Variants in EML6 observed in about 807,000 individuals in gnomAD.
EML6 encodes EMAP like 6, also known as echinoderm microtubule-associated protein-like 6.
In EML6, 154 loss-of-function variants were observed where a neutral mutation model predicts 240.1. That is an observed-to-expected ratio of 0.64 (90% CI 0.56 to 0.73). EML6 has a LOEUF of 0.73. EML6 is among the 30% of genes least tolerant of loss of function. EML6 has a pLI of 0.00. For synonymous variants in EML6, 1,148 were observed against 899.0 expected, an observed-to-expected ratio of 1.28 and a Z score of -4.95; for missense variants, 2,964 against 2,474.6, an observed-to-expected ratio of 1.20 and a Z score of -4.20.
chr2:54,923,618 A>T (rs1674382787), intron 26 of EML6, among the ~76,000 whole-genome samples: 1 of 152,088 alleles, frequency 6.6e-6, no homozygotes, highest in Non-Finnish European at 1.5e-5. Flanking sequence ...AGAGTTCAAG[A>T]TTTGCTTATG....
At chr2:54,749,888 A>C (rs749203227) in intron 2 of EML6, among the ~76,000 whole-genome samples, 4 of 152,236 alleles carry the variant, frequency 2.6e-5, no homozygotes, top group Non-Finnish European at 5.9e-5. Flanking sequence ...AAAAATAATG[A>C]CATGAATTTA....
At chr2:54,926,825 C>G (rs996194087) in intron 26 of EML6, among the ~76,000 whole-genome samples, 3 of 152,170 alleles carry the variant, frequency 2.0e-5, no homozygotes, top group Non-Finnish European at 2.9e-5. Context: ...CAACCTGAAT[C>G]TCATCCCTTA....
At position 54,923,367 on chromosome 2, in the gene EML6, G is replaced by GCGCACA. The variant is rs1200496290; in HGVS notation, c.3676-4945_3676-4944insGCACAC. Among the ~76,000 whole-genome samples, 214 of 144,460 alleles carry GCGCACA rather than the reference G, an allele frequency of 1.5e-3. 2 individuals carry two copies. The highest frequency in any genetic ancestry group is 3.8e-3 in the African/African-American group (149 of 39,014). The allele number at this position is 144,460 out of a possible 152,430, so 94.8% of individuals were successfully genotyped here. On this transcript the variant is annotated intron_variant, in intron 26 of 41. Coordinates refer to ENST00000356458, the MANE Select transcript of EML6 (RefSeq NM_001039753.4). Reference sequence around the variant, plus strand: ...TAGATCCTAAGTGTCCTCACCAAACGCACACACACACACACACACACACAC... The same window carrying GCGCACA: ...TAGATCCTAAGTGTCCTCACCAAACGCGCACACACACACACACACACACACACACAC...
At chr2:54,829,770 T>C (rs183808455) in intron 7 of EML6, among the ~76,000 whole-genome samples, 1 of 152,330 alleles carries the variant, frequency 6.6e-6, no homozygotes, top group East Asian at 1.9e-4. Context: ...ACAAGTTGGT[T>C]ACCATTAAAG....
In EML6 at chr2:54,933,644, A is replaced by T. The variant is rs545214825; in HGVS notation, c.4004+4893A>T. Among the ~76,000 whole-genome samples the T allele has an allele frequency of 9.2e-5, 14 of 152,212 alleles. No homozygotes were observed. In the South Asian group the frequency reaches 2.9e-3, roughly 32 times the overall value. ...AGCTACTCGGGAGGCTGAGGCACCA[A>T]TCGCTTGAACCCAGGAGGCAGAGGT... On this transcript the variant is annotated intron_variant, in intron 28 of 41. Transcript: ENST00000356458.
intron 2 of EML6, among the ~76,000 whole-genome samples, chr2:54,765,857 CTTT>C (rs1233038352): frequency 2.0e-5 from 3 of 152,124 alleles, no homozygotes; most frequent in Non-Finnish European, 4.4e-5. Context: ...AATCTACTTT[CTTT>C]TTTATTTTAC....
At chr2:54,818,306 C>T (rs565862474) in intron 4 of EML6, among the ~76,000 whole-genome samples, 1 of 152,154 alleles carries the variant, frequency 6.6e-6, no homozygotes, top group African/African-American at 2.4e-5. Context: ...AGCTGCCCTC[C>T]ATATGGTAAG....
chr2:54,875,117 T>G (rs942248264), intron 16 of EML6, among the ~76,000 whole-genome samples: 1 of 152,176 alleles, frequency 6.6e-6, no homozygotes, highest in African/African-American at 2.4e-5. Context: ...AGTAAGCTTG[T>G]CCATCTGCCC....
intron 31 of EML6, among the ~76,000 whole-genome samples, 181 bp from the exon 32 acceptor site, chr2:54,953,802 G>C (rs1036435274): frequency 4.0e-5 from 6 of 151,498 alleles, no homozygotes; most frequent in South Asian, 2.1e-4. Flanking sequence ...CACGAGGATC[G>C]TGTGAACCCA....
chr2:54,805,786 A>T (rs745315226), intron 2 of EML6, among the ~76,000 whole-genome samples: 1 of 152,050 alleles, frequency 6.6e-6, no homozygotes, highest in African/African-American at 2.4e-5. Context: ...TTTTCTATCA[A>T]TTACTTGGTT....
intron 26 of EML6, among the ~76,000 whole-genome samples, chr2:54,921,799 C>T (rs919519563): frequency 6.6e-6 from 1 of 152,000 alleles, no homozygotes; most frequent in African/African-American, 2.4e-5. Flanking sequence ...CCATCTTTGA[C>T]AAGGATACCA....
intron 2 of EML6, among the ~76,000 whole-genome samples, chr2:54,788,600 C>T (rs759131881): frequency 8.5e-5 from 13 of 152,168 alleles, no homozygotes; most frequent in Admixed American, 1.3e-4. Context: ...AAAATTGAAG[C>T]TTAGCAAAAT....
chr2:54,961,184 G>GTTGTTTTTTTTTTTTTTTTT, intron 35 of EML6, among the ~76,000 whole-genome samples: 735 of 55,400 alleles, frequency 0.013, 301 homozygotes, highest in South Asian at 0.052. Context: ...TCAGGAAGTA[G>GTTGTTTTTTTTTTTTTTTTT]TTTTTTTTTT....
Position 54,859,514 on chromosome 2 carries a change from C to G in EML6, c.1658-20C>G, listed in dbSNP as rs745614389. On this transcript the variant is annotated intron_variant, in intron 11 of 41. Transcript: ENST00000356458. Reference sequence around the variant, plus strand: ...CTCTTCTTTTTTCATAACTAATCCTCTCAAAAAATATTCTTTCAGGAGCCA... The same window carrying G: ...CTCTTCTTTTTTCATAACTAATCCTGTCAAAAAATATTCTTTCAGGAGCCA... The G allele has an allele frequency of 6.5e-6, 10 of 1,544,644 alleles. No homozygotes were observed. Among genetic ancestry groups the G allele is most frequent in the Non-Finnish European group, 7.9e-6 (9 of 1,142,948 alleles).
chr2:54,879,649 C>G lies in EML6; in HGVS notation c.2438+9C>G. On this transcript the variant is annotated intron_variant, in intron 17 of 41. Transcript: ENST00000356458. ...AAGATAGCCACAACAAGGTAAGAAG[C>G]TGCCGGGATCTTACGGTATCCTGCT... 6.7e-7 allele frequency: 1 copy of G among 1,498,792 alleles called. No individual in the cohort carries two copies. The highest frequency in any genetic ancestry group is 9.1e-7 in the Non-Finnish European group (1 of 1,098,552). The allele number at this position is 1,498,792 out of a possible 1,614,324, so 92.8% of individuals were successfully genotyped here.
Position 54,861,672 on chromosome 2 carries a change from A to T in EML6, c.1825+1971A>T, listed in dbSNP as rs141916912. Among the ~76,000 whole-genome samples, 822 of 151,928 alleles carry T rather than the reference A, an allele frequency of 5.4e-3. 3 individuals carry two copies. Among genetic ancestry groups the T allele is most frequent in the South Asian group, 0.014 (67 of 4,812 alleles). On this transcript the variant is annotated intron_variant, in intron 12 of 41. Transcript: ENST00000356458. ...AAAACAGACAATAGTCTGGACAAAC[A>T]CAGATTTGAGAGGCACCTTAAAACC...
chr2:54,948,807 G>C, intron 28 of EML6, 75 bp from the exon 29 acceptor site: 1 of 1,168,878 alleles, frequency 8.6e-7, no homozygotes, highest in Non-Finnish European at 1.3e-6. Context: ...CACTGGCCTA[G>C]ACAGGCCACA....
rs115479011 is a variant in EML6, at chr2:54,955,179, A to G, written c.4486+1023A>G. ...TGGTTCACCAGTATATCTCACCCAG[A>G]TGGCTGCACAGTCAGTATCCCAGGG... is the stretch of plus-strand genomic sequence containing the variant. On this transcript the variant is annotated intron_variant, in intron 32 of 41. Coordinates refer to ENST00000356458, the MANE Select transcript of EML6 (RefSeq NM_001039753.4). 3.5e-3 allele frequency among the ~76,000 whole-genome samples: 540 copies of G among 152,324 alleles called. 4 individuals carry two copies. Among genetic ancestry groups the G allele is most frequent in the African/African-American group, 0.013 (520 of 41,568 alleles).
chr2:54,939,724 A>G (rs559363857), intron 28 of EML6, among the ~76,000 whole-genome samples: 1 of 152,278 alleles, frequency 6.6e-6, no homozygotes, highest in African/African-American at 2.4e-5. Context: ...GAGGCTAACA[A>G]CTTTCATACA....
Sources: gnomAD v4.1 joint callset for allele counts (sites outside exome capture counted in the v4.1 genomes callset) on GRCh38, gnomAD v4.1.1 for gene constraint, MANE v1.5 for transcripts, NCBI Gene and HGNC (gene_info 2026-07-23, HGNC 2026-07-21) for gene names.